Variants in KHDRBS2 observed in about 807,000 individuals in gnomAD.
KHDRBS2 encodes KH RNA binding domain containing, signal transduction associated 2.
A neutral mutation model predicts 44.3 loss-of-function variants in KHDRBS2; 26 were observed. The observed-to-expected ratio is 0.59, with a 90% CI of 0.43 to 0.81. The LOEUF (loss-of-function observed/expected upper bound fraction) is 0.81, where lower values mean the gene tolerates loss of function less well. KHDRBS2 is among the 40% of genes least tolerant of loss of function. The pLI is 0.00. For synonymous variants in KHDRBS2, 194 were observed against 151.1 expected (o/e 1.28, Z -2.08); for missense variants, 476 against 433.1 (o/e 1.10, Z -0.88).
At chr6:61,588,046 C>T in the KHDRBS2 span, among the ~76,000 whole-genome samples, 224 of 152,288 alleles carry the variant, frequency 1.5e-3, no homozygotes, top group African/African-American at 5.1e-3. Flanking sequence ...AAGCCAGACA[C>T]CGTGGCAAGC....
the KHDRBS2 span, among the ~76,000 whole-genome samples, chr6:61,560,388 T>G: frequency 1.3e-5 from 2 of 152,314 alleles, no homozygotes; most frequent in South Asian, 4.1e-4. Context: ...TCCTTTTGAA[T>G]AAACTTCCTA....
intron 6 of KHDRBS2, among the ~76,000 whole-genome samples, chr6:61,745,134 A>G (rs1776678068): frequency 6.6e-6 from 1 of 152,174 alleles, no homozygotes; most frequent in South Asian, 2.1e-4. Flanking sequence ...TAAACTCTGG[A>G]TTAAAAAATA....
intron 6 of KHDRBS2, among the ~76,000 whole-genome samples, chr6:61,793,555 C>G (rs766958984): frequency 6.6e-6 from 1 of 151,978 alleles, no homozygotes; most frequent in Non-Finnish European, 1.5e-5. Context: ...TTCAACAAAA[C>G]TGTAATGCTT....
In KHDRBS2 at chr6:62,248,545, G is replaced by C. The variant is rs147621943; in HGVS notation, c.91+37313C>G. Among the ~76,000 whole-genome samples the C allele has an allele frequency of 1.0e-3, 157 of 151,998 alleles. 1 individual carries two copies. The highest frequency in any genetic ancestry group is 3.5e-3 in the African/African-American group (147 of 41,470). Reference sequence around the variant, plus strand: ...AGCTAATTTTTAAATTTTTAGTAGAGACGGGGTTTCACCACGTTGGCCAGG... The same window carrying C: ...AGCTAATTTTTAAATTTTTAGTAGACACGGGGTTTCACCACGTTGGCCAGG... On this transcript the variant is annotated intron_variant, in intron 1 of 8. Transcript: ENST00000281156.
intron 3 of KHDRBS2, among the ~76,000 whole-genome samples, chr6:62,046,529 C>T (rs1196903327): frequency 1.3e-5 from 2 of 151,744 alleles, no homozygotes; most frequent in African/African-American, 2.4e-5. Context: ...CGTAAAAACA[C>T]ACAATATGAA....
intron 6 of KHDRBS2, among the ~76,000 whole-genome samples, chr6:61,778,667 G>A (rs536097937): frequency 6.6e-6 from 1 of 152,268 alleles, no homozygotes; most frequent in East Asian, 1.9e-4. Context: ...GTGCCACCGT[G>A]CCGCAAGTTG....
chr6:61,894,668 A>C lies in KHDRBS2; in HGVS notation c.777T>G (p.Pro259=), dbSNP rs1802580521. 4 of 1,612,750 alleles carry C rather than the reference A, an allele frequency of 2.5e-6. No individual in the cohort carries two copies. The highest frequency in any genetic ancestry group is 3.4e-6 in the Non-Finnish European group (4 of 1,179,620). Reference sequence around the variant, plus strand: ...CATAAGCTTCATGGGCTGGAGGAGGAGGTGCCCTGTATCCTGGCACTGTTG... The same window carrying C: ...CATAAGCTTCATGGGCTGGAGGAGGCGGTGCCCTGTATCCTGGCACTGTTG... ...GAPTVPGYRA[P]PPPAHEAYEE... The change falls in exon 6 of 9, where the codon CCT becomes CCG. Residue 259 remains proline (P), a synonymous_variant. Coordinates refer to ENST00000281156, the MANE Select transcript of KHDRBS2 (RefSeq NM_152688.4).
intron 3 of KHDRBS2, among the ~76,000 whole-genome samples, chr6:62,026,529 C>T (rs192716790): frequency 5.3e-5 from 8 of 151,626 alleles, no homozygotes; most frequent in African/African-American, 1.7e-4. Flanking sequence ...ACCTCCCAGG[C>T]TCAAGCAGTC....
intron 4 of KHDRBS2, among the ~76,000 whole-genome samples, chr6:61,911,473 G>A (rs1231105674): frequency 2.0e-5 from 3 of 152,082 alleles, no homozygotes; most frequent in East Asian, 1.9e-4. Context: ...AAAATAGTAC[G>A]CAAGGATCGA....
At chr6:62,071,043 A>G (rs566078732) in intron 2 of KHDRBS2, among the ~76,000 whole-genome samples, 9 of 152,290 alleles carry the variant, frequency 5.9e-5, no homozygotes, top group Non-Finnish European at 1.0e-4. Flanking sequence ...AACTGGTGTG[A>G]GATGGTATCT....
chr6:61,603,376 G>A, the KHDRBS2 span, among the ~76,000 whole-genome samples: 5 of 151,842 alleles, frequency 3.3e-5, no homozygotes, highest in South Asian at 2.1e-4. Flanking sequence ...CTATTCCTTT[G>A]CATCCTTCAT....
intron 2 of KHDRBS2, among the ~76,000 whole-genome samples, chr6:62,128,088 T>A (rs1049083918): frequency 6.6e-6 from 1 of 152,154 alleles, no homozygotes; most frequent in Admixed American, 6.5e-5. Flanking sequence ...TCCTTGCATC[T>A]AAATATTTAC....
At chr6:61,763,637 T>C (rs528775077) in intron 6 of KHDRBS2, among the ~76,000 whole-genome samples, 84 of 152,188 alleles carry the variant, frequency 5.5e-4, no homozygotes, top group Non-Finnish European at 1.0e-3. Flanking sequence ...TTTTATACAA[T>C]GAAAGTACAT....
chr6:62,255,491 C>G (rs1585447523), intron 1 of KHDRBS2, among the ~76,000 whole-genome samples: 1 of 151,476 alleles, frequency 6.6e-6, no homozygotes, highest in Non-Finnish European at 1.5e-5. Flanking sequence ...CTAGCCCATG[C>G]ACTAGCTGCA....
chr6:61,837,680 T>C (rs1282501884), intron 6 of KHDRBS2, among the ~76,000 whole-genome samples: 4 of 152,008 alleles, frequency 2.6e-5, no homozygotes, highest in East Asian at 1.9e-4. Context: ...ACCACTTTTG[T>C]TGTCGTCTGG....
chr6:61,998,786 C>T (rs9453889), intron 3 of KHDRBS2, among the ~76,000 whole-genome samples: 1 of 151,778 alleles, frequency 6.6e-6, no homozygotes, highest in Admixed American at 6.6e-5. Flanking sequence ...CAAAACTCCA[C>T]GACAAAATGG....
At chr6:61,719,974 T>A (rs2127554782) in intron 7 of KHDRBS2, among the ~76,000 whole-genome samples, 1 of 152,170 alleles carries the variant, frequency 6.6e-6, no homozygotes, top group African/African-American at 2.4e-5. Flanking sequence ...TTCCCCTTCC[T>A]GTGTCCATGT....
chr6:61,944,602 T>A (rs1231381246), intron 4 of KHDRBS2, among the ~76,000 whole-genome samples: 1 of 151,938 alleles, frequency 6.6e-6, no homozygotes, highest in Non-Finnish European at 1.5e-5. Flanking sequence ...TCAGGGTGAG[T>A]AGCAGTAAGC....
chr6:62,023,222 T>A (rs1782664019), intron 3 of KHDRBS2, among the ~76,000 whole-genome samples: 1 of 151,736 alleles, frequency 6.6e-6, no homozygotes, highest in South Asian at 2.1e-4. Context: ...GTGTGTCAGA[T>A]TTTTAAACAA....
Sources: allele counts gnomAD v4.1 joint callset (sites outside exome capture counted in the v4.1 genomes callset), GRCh38; gene constraint gnomAD v4.1.1; transcripts MANE v1.5; gene names NCBI Gene and HGNC (gene_info 2026-07-23, HGNC 2026-07-21).